The following LRRC4C variants were observed in gnomAD, a reference collection of about 807,000 sequenced individuals.
LRRC4C encodes the protein leucine-rich repeat-containing protein 4C.
A neutral mutation model predicts 33.6 loss-of-function variants in LRRC4C; 5 were observed. The observed-to-expected ratio is 0.15, with a 90% CI of 0.08 to 0.31. The LOEUF (loss-of-function observed/expected upper bound fraction) is 0.31, where lower values mean the gene tolerates loss of function less well. Ranked by LOEUF, LRRC4C falls within the 10% of genes least tolerant of loss-of-function variation. LRRC4C has a pLI of 1.00. For missense variants in LRRC4C, 560 were observed against 796.7 expected, an observed-to-expected ratio of 0.70 and a Z score of 3.58; for synonymous variants, 329 against 302.0, an observed-to-expected ratio of 1.09 and a Z score of -0.93.
rs374061798 is a variant in LRRC4C, at chr11:41,289,006, G to A, written c.-496+170425C>T. Among the ~76,000 whole-genome samples, 11 of 152,078 alleles carry A rather than the reference G, an allele frequency of 7.2e-5. No individual in the cohort carries two copies. In the East Asian group the frequency reaches 2.1e-3, roughly 30 times the overall value. On this transcript the variant is annotated intron_variant, in intron 1 of 6. Transcript: ENST00000528697. Reference sequence around the variant, plus strand: ...AGTAACTCAAAATCAATTGACTAGGGATCATAATTGTACCTGCAAATTCCC... The same window carrying A: ...AGTAACTCAAAATCAATTGACTAGGAATCATAATTGTACCTGCAAATTCCC...
intron 1 of LRRC4C, among the ~76,000 whole-genome samples, chr11:40,945,997 A>G (rs187826419): frequency 1.3e-5 from 2 of 152,296 alleles, no homozygotes; most frequent in African/African-American, 4.8e-5. Flanking sequence ...TGTATATTGC[A>G]TAATGCTGAG....
At chr11:41,124,107 T>C (rs566635997) in intron 1 of LRRC4C, among the ~76,000 whole-genome samples, 1 of 152,336 alleles carries the variant, frequency 6.6e-6, no homozygotes, top group Non-Finnish European at 1.5e-5. Context: ...TTCAAGATAA[T>C]TATGATGATG....
At chr11:40,760,354 T>C (rs1050846731) in intron 2 of LRRC4C, among the ~76,000 whole-genome samples, 1 of 151,730 alleles carries the variant, frequency 6.6e-6, no homozygotes, top group African/African-American at 2.4e-5. Flanking sequence ...AACTGAGCAG[T>C]TGCAACGGAG....
intron 2 of LRRC4C, among the ~76,000 whole-genome samples, chr11:40,781,338 T>C (rs1950203508): frequency 6.6e-6 from 1 of 152,152 alleles, no homozygotes; most frequent in East Asian, 1.9e-4. Flanking sequence ...CATATATTTA[T>C]ATATACAAAA....
chr11:40,629,019 C>CA (rs1963228010), intron 3 of LRRC4C, among the ~76,000 whole-genome samples: 3 of 151,608 alleles, frequency 2.0e-5, no homozygotes, highest in Admixed American at 2.0e-4. Flanking sequence ...AAAATATAAA[C>CA]AAAAAAACAA....
At chr11:40,972,118 G>A (rs1055015455) in intron 1 of LRRC4C, among the ~76,000 whole-genome samples, 1 of 151,358 alleles carries the variant, frequency 6.6e-6, no homozygotes, top group Non-Finnish European at 1.5e-5. Context: ...AACTCTGGGG[G>A]ACTGTTGGGA....
At chr11:40,599,980 A>G (rs147458821) in intron 3 of LRRC4C, among the ~76,000 whole-genome samples, 3 of 152,342 alleles carry the variant, frequency 2.0e-5, no homozygotes, top group East Asian at 3.9e-4. Context: ...AATTTCCTAT[A>G]GGCATAATCT....
At chr11:40,624,819 G>A (rs1012651512) in intron 3 of LRRC4C, among the ~76,000 whole-genome samples, 1 of 152,056 alleles carries the variant, frequency 6.6e-6, no homozygotes, top group Non-Finnish European at 1.5e-5. Context: ...TAAACCATAA[G>A]TCTGGATAAA....
At chr11:40,612,512 C>T (rs1012378328) in intron 3 of LRRC4C, among the ~76,000 whole-genome samples, 1 of 151,806 alleles carries the variant, frequency 6.6e-6, no homozygotes, top group Non-Finnish European at 1.5e-5. Flanking sequence ...TACATTTAAA[C>T]AGTTAAGAGA....
At chr11:40,739,517 A>T (rs944212942) in intron 2 of LRRC4C, among the ~76,000 whole-genome samples, 7 of 152,080 alleles carry the variant, frequency 4.6e-5, no homozygotes, top group Non-Finnish European at 8.8e-5. Context: ...ATATACAATT[A>T]TATATTTGTG....
intron 3 of LRRC4C, among the ~76,000 whole-genome samples, chr11:40,618,419 C>T (rs1962086822): frequency 6.6e-6 from 1 of 150,858 alleles, no homozygotes. Context: ...ACCAATGGCA[C>T]TGACACTATG....
At chr11:40,866,728 G>C (rs1954387305) in intron 2 of LRRC4C, among the ~76,000 whole-genome samples, 1 of 151,892 alleles carries the variant, frequency 6.6e-6, no homozygotes, top group South Asian at 2.1e-4. Context: ...TGTTTTAAGG[G>C]CCAGAATAAT....
At chr11:40,895,391 A>T (rs1440767955) in intron 2 of LRRC4C, among the ~76,000 whole-genome samples, 1 of 152,014 alleles carries the variant, frequency 6.6e-6, no homozygotes, top group African/African-American at 2.4e-5. Context: ...AAACCCCAAA[A>T]TTACATTTAG....
At chr11:40,963,214 A>G (rs1851091942) in intron 1 of LRRC4C, among the ~76,000 whole-genome samples, 1 of 151,772 alleles carries the variant, frequency 6.6e-6, no homozygotes, top group Non-Finnish European at 1.5e-5. Context: ...TTAACATAAC[A>G]CCACTCATAG....
intron 3 of LRRC4C, among the ~76,000 whole-genome samples, chr11:40,645,253 C>T (rs932320748): frequency 6.6e-6 from 1 of 152,140 alleles, no homozygotes; most frequent in African/African-American, 2.4e-5. Flanking sequence ...TCTCAGTGAT[C>T]AGGTGAATTG....
At chr11:41,127,305 G>T (rs888749827) in intron 1 of LRRC4C, among the ~76,000 whole-genome samples, 3 of 150,384 alleles carry the variant, frequency 2.0e-5, no homozygotes, top group Admixed American at 2.0e-4. Flanking sequence ...TCATCCTCAA[G>T]TATTAAGACC....
At chr11:41,411,142 A>ATTTTGTTTTTTTTTTTTT (rs1954464082) in intron 1 of LRRC4C, among the ~76,000 whole-genome samples, 1 of 57,240 alleles carries the variant, frequency 1.7e-5, no homozygotes, top group South Asian at 7.9e-4. Context: ...TTGGTACCCT[A>ATTTTGTTTTTTTTTTTTT]TTTTTTTTTT....
chr11:40,630,320 T>TTTCTTCTTCCTC (rs1555124481), intron 3 of LRRC4C, among the ~76,000 whole-genome samples: 1 of 144,882 alleles, frequency 6.9e-6, no homozygotes, highest in African/African-American at 2.7e-5. Context: ...ACTTGTTTTC[T>TTTCTTCTTCCTC]TTCTTCTTCC....
chr11:41,440,278 C>T lies in LRRC4C; in HGVS notation c.-496+19153G>A, dbSNP rs547375340. On this transcript the variant is annotated intron_variant, in intron 1 of 6. Coordinates refer to ENST00000528697, the MANE Select transcript of LRRC4C (RefSeq NM_001258419.2). ...TTTTGGAAAAAAGGAGTTTGTCTGT[C>T]CACTCTAGAGAGAATAGGTTAGAAG... Among the ~76,000 whole-genome samples the T allele has an allele frequency of 1.1e-3, 163 of 151,908 alleles. No individual in the cohort carries two copies. In the Middle Eastern group the frequency reaches 0.014, roughly 13 times the overall value.
Sources: allele counts gnomAD v4.1 joint callset (sites outside exome capture counted in the v4.1 genomes callset), GRCh38; gene constraint gnomAD v4.1.1; transcripts MANE v1.5; gene names NCBI Gene and HGNC (gene_info 2026-07-23, HGNC 2026-07-21).